The following STEAP2 variants were observed in gnomAD, a reference collection of about 807,000 sequenced individuals.
STEAP2 encodes metalloreductase STEAP2.
A neutral mutation model predicts 46.4 loss-of-function variants in STEAP2; 30 were observed. The observed-to-expected ratio is 0.65, with a 90% CI of 0.48 to 0.88. STEAP2 has a LOEUF of 0.88. Among genes scored for constraint, STEAP2 ranks in the 40% least tolerant of loss-of-function variants. STEAP2 has a pLI of 0.00. For synonymous variants in STEAP2, 180 were observed against 200.5 expected, an observed-to-expected ratio of 0.90 and a Z score of 0.86; for missense variants, 513 against 579.3, an observed-to-expected ratio of 0.89 and a Z score of 1.18.
intron 4 of STEAP2, among the ~76,000 whole-genome samples, chr7:90,228,345 A>C (rs1795586423): frequency 6.6e-6 from 1 of 151,496 alleles, no homozygotes; most frequent in African/African-American, 2.4e-5. Flanking sequence ...TTCAACAATA[A>C]AACCTAAAAT....
Position 90,237,154 on chromosome 7 carries a change from C to A in STEAP2, c.*4530C>A, listed in dbSNP as rs1795989955. 9 of 534,176 alleles carry A rather than the reference C, an allele frequency of 1.7e-5. No individual in the cohort carries two copies. The highest frequency in any genetic ancestry group is 3.6e-4 in the Middle Eastern group (1 of 2,776). The allele number at this position is 534,176 out of a possible 1,614,324, so 33.1% of individuals were successfully genotyped here. A position where few individuals can be genotyped will look rare whatever the true frequency, so the allele number is the denominator to read the frequency against. On this transcript the variant is annotated 3_prime_UTR_variant, in exon 6 of 6. Coordinates refer to ENST00000394621, the MANE Select transcript of STEAP2 (RefSeq NM_001244944.2). Reference sequence around the variant, plus strand: ...CTGTCTCCAGAGGATCAAAGCCACACCCAAAGAGTAAGGCAGATTAGAGAC... The same window carrying A: ...CTGTCTCCAGAGGATCAAAGCCACAACCAAAGAGTAAGGCAGATTAGAGAC...
downstream of STEAP2, chr7:90,238,242 G>A: frequency 3.1e-6 from 2 of 649,224 alleles, no homozygotes; most frequent in South Asian, 1.8e-5. Flanking sequence ...CACCAGATCT[G>A]TCTGTGGAGG....
chr7:90,232,330 G>T lies in STEAP2; in HGVS notation c.1186-7G>T. On this transcript the variant is annotated splice_polypyrimidine_tract_variant and splice_region_variant and intron_variant, in intron 5 of 5. Transcript: ENST00000394621. ...TTTGTTTCTTTTCCTTCCTCTCCTG[G>T]CCCAAGTCTACACTTGGATATGTCG... 6.4e-7 allele frequency: 1 copy of T among 1,573,108 alleles called. No homozygotes were observed. The highest frequency in any genetic ancestry group is 8.6e-7 in the Non-Finnish European group (1 of 1,157,468).
At chr7:90,230,161 C>T (rs1382788973) in intron 5 of STEAP2, 125 bp downstream of exon 5, 3 of 1,497,710 alleles carry the variant, frequency 2.0e-6, no homozygotes, top group East Asian at 4.6e-5. Flanking sequence ...CATCTAGATA[C>T]ATTATGCTGG....
chr7:90,231,924 G>A (rs953762712), intron 5 of STEAP2, among the ~76,000 whole-genome samples: 2 of 151,956 alleles, frequency 1.3e-5, no homozygotes, highest in African/African-American at 4.8e-5. Context: ...GGCCTAACAT[G>A]ACATTTATAG....
downstream of STEAP2, chr7:90,238,113 C>T (rs199824635): frequency 9.8e-6 from 7 of 715,988 alleles, no homozygotes; most frequent in Non-Finnish European, 5.2e-6. Context: ...CTAGCGCTAC[C>T]CTGTTGTCCT....
In STEAP2 at chr7:90,233,137, A is replaced by G. The variant is rs994176472; in HGVS notation, c.*513A>G. 43 of 984,876 alleles carry G rather than the reference A, an allele frequency of 4.4e-5. No homozygotes were observed. Among genetic ancestry groups the G allele is most frequent in the South Asian group, 2.3e-4 (5 of 21,288 alleles). The allele number at this position is 984,876 out of a possible 1,614,324, so 61.0% of individuals were successfully genotyped here. A position where few individuals can be genotyped will look rare whatever the true frequency, so the allele number is the denominator to read the frequency against. On this transcript the variant is annotated 3_prime_UTR_variant, in exon 6 of 6. Transcript: ENST00000394621. ...ATGATAGCATTCCTATATTTCTCTC[A>G]TAAAATAGGATTTGAAGGATGAAAT...
intron 2 of STEAP2, among the ~76,000 whole-genome samples, chr7:90,220,016 C>T (rs959939458): frequency 2.0e-5 from 3 of 152,160 alleles, no homozygotes; most frequent in African/African-American, 7.2e-5. Context: ...CATAAGCCAT[C>T]ATGTCTGGCC....
At position 90,225,474 on chromosome 7, in the gene STEAP2, A is replaced by T; in HGVS notation, c.392A>T (p.Glu131Val). ...RINQYPESNA[E>V]YLASLFPDSL... ...AACCAGTACCCAGAATCCAATGCTGAATATTTGGCTTCATTATTCCCAGAT... is the reference window on the plus strand; with the variant it reads ...AACCAGTACCCAGAATCCAATGCTGTATATTTGGCTTCATTATTCCCAGAT... Residue 131 changes from glutamate (E) to valine (V), a missense_variant, in exon 3 of 6, where the codon GAA (glutamate) becomes GTA (valine). Glu to Val is a moderately radical substitution (Grantham distance 121). Coordinates refer to ENST00000394621, the MANE Select transcript of STEAP2 (RefSeq NM_001244944.2). 2 of 1,613,870 alleles carry T rather than the reference A, an allele frequency of 1.2e-6. No individual in the cohort carries two copies. Among genetic ancestry groups the T allele is most frequent in the Non-Finnish European group, 1.7e-6 (2 of 1,179,904 alleles).
rs1326293476 is a variant in STEAP2 at position 90,234,810 on chromosome 7, C to T, written c.*2186C>T. ...CCTCGTGATCCGCCCGCCTTGGCCT[C>T]CAAAGTGCTGGGATTACAGGTGTGA... On this transcript the variant is annotated 3_prime_UTR_variant, in exon 6 of 6. Coordinates refer to ENST00000394621, the MANE Select transcript of STEAP2 (RefSeq NM_001244944.2). 1 of 941,330 alleles carries T rather than the reference C, an allele frequency of 1.1e-6. No homozygotes were observed. Among genetic ancestry groups the T allele is most frequent in the Non-Finnish European group, 1.3e-6 (1 of 790,220 alleles). 58.3% of individuals were successfully genotyped at this position (941,330 alleles called of 1,614,324 possible).
At chr7:90,243,132 A>G (rs1796083783), downstream of STEAP2, among the ~76,000 whole-genome samples, 3 of 152,236 alleles carry the variant, frequency 2.0e-5, no homozygotes, top group Non-Finnish European at 2.9e-5. Context: ...TTACAATCAA[A>G]TGCTGCCAGT....
rs28829374 is a variant in STEAP2, at chr7:90,217,849, T to A, written c.-34+1246T>A. 4.5e-4 allele frequency among the ~76,000 whole-genome samples: 69 copies of A among 152,284 alleles called. 1 individual carries two copies. Among genetic ancestry groups the A allele is most frequent in the African/African-American group, 1.7e-3 (69 of 41,562 alleles). On this transcript the variant is annotated intron_variant, in intron 2 of 5. Transcript: ENST00000394621. ...GTCTTTTGAGAAACAACCCCTATACTGTTGTCCACAGAGGCTGTACTAATT... is the reference window on the plus strand; with the variant it reads ...GTCTTTTGAGAAACAACCCCTATACAGTTGTCCACAGAGGCTGTACTAATT...
At chr7:90,238,485 C>T (rs1027292327), downstream of STEAP2, among the ~76,000 whole-genome samples, 6 of 152,152 alleles carry the variant, frequency 3.9e-5, no homozygotes, top group Non-Finnish European at 8.8e-5. Context: ...GATAAATTCT[C>T]CCTTCCTTTC....
At chr7:90,219,669 G>A (rs935347298) in intron 2 of STEAP2, among the ~76,000 whole-genome samples, 1 of 152,074 alleles carries the variant, frequency 6.6e-6, no homozygotes, top group African/African-American at 2.4e-5. Flanking sequence ...ATCATGATGT[G>A]TGTGTGTTTT....
At chr7:90,241,897 T>C (rs1796067388), downstream of STEAP2, among the ~76,000 whole-genome samples, 1 of 152,142 alleles carries the variant, frequency 6.6e-6, no homozygotes, top group Admixed American at 6.5e-5. Flanking sequence ...CTGAATTTCA[T>C]AGGGATTAGC....
Position 90,234,018 on chromosome 7 carries a change from T to C in STEAP2, c.*1394T>C. 3.0e-6 allele frequency: 3 copies of C among 985,396 alleles called. No individual in the cohort carries two copies. The highest frequency in any genetic ancestry group is 3.6e-6 in the Non-Finnish European group (3 of 829,926). 61.0% of individuals were successfully genotyped at this position (985,396 alleles called of 1,614,324 possible). A position where few individuals can be genotyped will look rare whatever the true frequency, so the allele number is the denominator to read the frequency against. ...ATGCAGTGAAGGGCCCTAGCAGTGT[T>C]AACAAATTGCTGAGATCCCACGGAG... On this transcript the variant is annotated 3_prime_UTR_variant, in exon 6 of 6. Coordinates refer to ENST00000394621, the MANE Select transcript of STEAP2 (RefSeq NM_001244944.2).
downstream of STEAP2, among the ~76,000 whole-genome samples, chr7:90,240,372 T>G (rs892720638): frequency 4.6e-5 from 7 of 152,184 alleles, no homozygotes; most frequent in African/African-American, 1.7e-4. This position sits in a 1 kb window ranked among gnomAD's most constrained non-coding sequence, Gnocchi z 4.1. Context: ...CTAAAAACTA[T>G]GACTAGATTT....
In STEAP2 at chr7:90,235,564, C is replaced by G. The variant is rs983654980; in HGVS notation, c.*2940C>G. 4 of 984,802 alleles carry G rather than the reference C, an allele frequency of 4.1e-6. No individual in the cohort carries two copies. Among genetic ancestry groups the G allele is most frequent in the Non-Finnish European group, 4.8e-6 (4 of 829,726 alleles). 61.0% of individuals were successfully genotyped at this position (984,802 alleles called of 1,614,324 possible). A position where few individuals can be genotyped will look rare whatever the true frequency, so the allele number is the denominator to read the frequency against. On this transcript the variant is annotated 3_prime_UTR_variant, in exon 6 of 6. Coordinates refer to ENST00000394621, the MANE Select transcript of STEAP2 (RefSeq NM_001244944.2). ...TACCTGGTCTGTGTTTTGAGAAGTG[C>G]CCCTTAGAAAGTTAAAAGAATGTAG...
downstream of STEAP2, chr7:90,238,132 T>TCTGCTGCTG (rs3036033): frequency 1.4e-6 from 1 of 706,854 alleles, no homozygotes; most frequent in Non-Finnish European, 2.6e-6. Flanking sequence ...CTAAAGAGTT[T>TCTGCTGCTG]CTGCTGCTGC....
Sources: gnomAD v4.1 joint callset for allele counts (sites outside exome capture counted in the v4.1 genomes callset) on GRCh38, gnomAD v4.1.1 for gene constraint, Gnocchi (gnomAD v3.1) non-coding constraint, MANE v1.5 for transcripts, NCBI Gene and HGNC (gene_info 2026-07-23, HGNC 2026-07-21) for gene names.